TRIO: variants seen among roughly 807,000 people sequenced by gnomAD.
TRIO encodes triple functional domain protein.
TRIO carries 58 observed loss-of-function variants against 351.9 expected under a neutral mutation model. The ratio of observed to expected loss-of-function variants is 0.16; its 90% CI spans 0.13 to 0.21. TRIO has a LOEUF of 0.21. TRIO is among the 10% of genes least tolerant of loss of function. The probability of loss-of-function intolerance (pLI) is 1.00; values close to 1 mark genes in which losing one functional copy is unlikely to be tolerated. For synonymous variants in TRIO, 1,758 were observed against 1,595.7 expected (o/e 1.10, Z -2.42); for missense variants, 3,201 against 4,027.8 (o/e 0.79, Z 5.56).
intron 47 of TRIO, among the ~76,000 whole-genome samples, chr5:14,486,006 C>T (rs1205989797): frequency 4.0e-5 from 6 of 151,732 alleles, no homozygotes; most frequent in African/African-American, 1.2e-4. Context: ...AAAAAAGAGA[C>T]GGTTCAGTAC....
At chr5:14,180,155 A>T (rs189389980) in intron 1 of TRIO, among the ~76,000 whole-genome samples, 6 of 150,540 alleles carry the variant, frequency 4.0e-5, no homozygotes, top group African/African-American at 1.5e-4. Context: ...GATGTGGTAA[A>T]GCCTATGCGT....
rs1561417085 is a variant in TRIO, at chr5:14,380,301, GCGCCCCGC to G, written c.3448-827_3448-820del. ...TCCTTCGCGCCCCGCCTCCTCCTTC[GCGCCCCGC>G]CTCCTCCTTCGCGCCCCGCCTCCTC... On this transcript the variant is annotated intron_variant, in intron 20 of 56. Coordinates refer to ENST00000344204, the MANE Select transcript of TRIO (RefSeq NM_007118.4). 7.2e-3 allele frequency among the ~76,000 whole-genome samples: 888 copies of G among 122,756 alleles called. 13 individuals carry two copies. Among genetic ancestry groups the G allele is most frequent in the African/African-American group, 0.037 (852 of 23,132 alleles). The allele number at this position is 122,756 out of a possible 152,430, so 80.5% of individuals were successfully genotyped here.
intron 13 of TRIO, among the ~76,000 whole-genome samples, chr5:14,362,819 C>T (rs1428724790): frequency 2.0e-5 from 3 of 152,066 alleles, no homozygotes; most frequent in African/African-American, 7.2e-5. Flanking sequence ...CTTTTTCTCA[C>T]GACAGTTTAC....
At chr5:14,202,119 T>TAA (rs977159702) in intron 1 of TRIO, among the ~76,000 whole-genome samples, 1 of 142,560 alleles carries the variant, frequency 7.0e-6, no homozygotes, top group African/African-American at 2.6e-5. Flanking sequence ...AGGTATAATT[T>TAA]AAAAAAAAAA....
intron 1 of TRIO, among the ~76,000 whole-genome samples, chr5:14,213,630 A>G (rs930380025): frequency 4.6e-5 from 7 of 152,264 alleles, no homozygotes; most frequent in African/African-American, 1.7e-4. Flanking sequence ...CTTGTTAAAG[A>G]TGGTATGTTT....
intron 19 of TRIO, among the ~76,000 whole-genome samples, chr5:14,374,913 G>T (rs1016295869): frequency 1.3e-5 from 2 of 152,104 alleles, no homozygotes; most frequent in African/African-American, 4.8e-5. Context: ...TAATAGGATT[G>T]ATGTGGAAGG....
intron 9 of TRIO, among the ~76,000 whole-genome samples, chr5:14,327,214 G>C (rs1219999164): frequency 1.3e-5 from 2 of 152,138 alleles, no homozygotes; most frequent in African/African-American, 4.8e-5. Context: ...GCCCAGGCTG[G>C]AGTGCAATGG....
chr5:14,415,619 A>G (rs920951557), intron 33 of TRIO, among the ~76,000 whole-genome samples: 4 of 152,198 alleles, frequency 2.6e-5, no homozygotes, highest in African/African-American at 9.6e-5. Flanking sequence ...TCTATGTGGT[A>G]ATTGTTGAAG....
At chr5:14,465,514 C>T in intron 36 of TRIO, 31 bp from the exon 37 acceptor site, 1 of 1,609,778 alleles carries the variant, frequency 6.2e-7, no homozygotes, top group Non-Finnish European at 8.5e-7. Context: ...GCCCTTGCCC[C>T]ACCCCCTCCT....
At chr5:14,186,072 G>C (rs1400620394) in intron 1 of TRIO, among the ~76,000 whole-genome samples, 4 of 152,200 alleles carry the variant, frequency 2.6e-5, no homozygotes, top group African/African-American at 9.7e-5. Flanking sequence ...GCACTACTGA[G>C]TAGTATTTAG....
intron 1 of TRIO, among the ~76,000 whole-genome samples, chr5:14,173,190 CTT>C (rs758636385): frequency 4.6e-3 from 305 of 66,502 alleles, no homozygotes; most frequent in Middle Eastern, 0.019. Context: ...TTGTATGTTC[CTT>C]TTTTTTTTTT....
At chr5:14,167,516 T>TTA (rs1788842862) in intron 1 of TRIO, among the ~76,000 whole-genome samples, 1 of 152,216 alleles carries the variant, frequency 6.6e-6, no homozygotes, top group Non-Finnish European at 1.5e-5. Flanking sequence ...AAAACAGTCT[T>TTA]GTTAAAGAAA....
rs748582661 is a variant in TRIO at position 14,358,310 on chromosome 5, G to A, written c.2179G>A (p.Val727Met). 6.8e-6 allele frequency: 11 copies of A among 1,614,040 alleles called. No homozygotes were observed. The highest frequency in any genetic ancestry group is 1.1e-5 in the South Asian group (1 of 91,086). Reference protein sequence around the residue: ...QQTTLQVTVNVIKEGEDLIQQ... With the variant: ...QQTTLQVTVNMIKEGEDLIQQ... Reference sequence around the variant, plus strand: ...GACCACCCTGCAGGTGACTGTCAACGTGATCAAGGAAGGGGAGGACCTCAT... The same window carrying A: ...GACCACCCTGCAGGTGACTGTCAACATGATCAAGGAAGGGGAGGACCTCAT... Residue 727 changes from valine to methionine, a missense_variant, in exon 12 of 57, where the codon GTG becomes ATG. This residue lies in a region of TRIO where 363 missense variants were observed against 553.5 expected (regional missense o/e 0.66). Transcript: ENST00000344204.
At chr5:14,240,515 A>T (rs1794064909) in intron 1 of TRIO, among the ~76,000 whole-genome samples, 1 of 152,222 alleles carries the variant, frequency 6.6e-6, no homozygotes, top group African/African-American at 2.4e-5. Flanking sequence ...TGTGGTGAAC[A>T]GTTGCATTTA....
chr5:14,231,979 C>T (rs1256234308), intron 1 of TRIO, among the ~76,000 whole-genome samples: 1 of 152,034 alleles, frequency 6.6e-6, no homozygotes, highest in African/African-American at 2.4e-5. Context: ...TTAAAGTCTA[C>T]TGGAGAACAT....
chr5:14,499,977 G>A (rs1757160714), intron 53 of TRIO, among the ~76,000 whole-genome samples: 1 of 151,204 alleles, frequency 6.6e-6, no homozygotes, highest in African/African-American at 2.4e-5. Context: ...CTTGAACCCA[G>A]GAGGCAGAGG....
At chr5:14,374,180 C>T (rs755513270) in intron 18 of TRIO, 49 bp from the exon 19 acceptor site, 23 of 1,455,960 alleles carry the variant, frequency 1.6e-5, no homozygotes, top group Middle Eastern at 3.5e-4. Flanking sequence ...TCCAAATACA[C>T]GTTTGTAGAA....
At chr5:14,331,998 AG>A (rs910832551) in intron 10 of TRIO, among the ~76,000 whole-genome samples, 1 of 152,230 alleles carries the variant, frequency 6.6e-6, no homozygotes, top group Non-Finnish European at 1.5e-5. Context: ...TTCCTGTTTT[AG>A]ATTTTAAAAG....
intron 1 of TRIO, among the ~76,000 whole-genome samples, chr5:14,200,110 C>T (rs569713032): frequency 3.9e-4 from 60 of 152,232 alleles, no homozygotes; most frequent in African/African-American, 1.4e-3. Context: ...GTGAGAGAAC[C>T]AGCCAGGACA....
Sources: gnomAD v4.1 joint callset for allele counts (sites outside exome capture counted in the v4.1 genomes callset) on GRCh38, gnomAD v4.1.1 for gene constraint, gnomAD v4.1.1 regional missense constraint, MANE v1.5 for transcripts, NCBI Gene and HGNC (gene_info 2026-07-23, HGNC 2026-07-21) for gene names.